RNF167: variants seen among roughly 807,000 people sequenced by gnomAD.
The protein encoded by RNF167 is E3 ubiquitin-protein ligase RNF167.
RNF167 carries 19 observed loss-of-function variants against 34.8 expected under a neutral mutation model. The observed-to-expected ratio is 0.55, with a 90% CI of 0.38 to 0.80. The LOEUF (loss-of-function observed/expected upper bound fraction) is 0.80, where lower values mean the gene tolerates loss of function less well. Among genes scored for constraint, RNF167 ranks in the 30% least tolerant of loss-of-function variants. RNF167 has a pLI of 0.00. For missense variants in RNF167, 464 were observed against 447.0 expected, an observed-to-expected ratio of 1.04 and a Z score of -0.34; for synonymous variants, 200 against 170.4, an observed-to-expected ratio of 1.17 and a Z score of -1.35.
intron 6 of RNF167, 106 bp from the exon 7 acceptor site, chr17:4,943,073 A>C: frequency 7.6e-7 from 1 of 1,307,960 alleles, no homozygotes; most frequent in Non-Finnish European, 1.1e-6. Flanking sequence ...CTTTCTTCCC[A>C]TTCCTGTCCC....
chr17:4,941,112 C>T lies in RNF167; in HGVS notation c.120C>T (p.Asp40=). ...ACAATGCCAGCATGGACTTTGCAGA[C>T]CTTCCAGCTCTGTTTGGGGCTACCT... The part of the protein sequence containing the change: ...SDHNASMDFA[D]LPALFGATLS... The change falls in exon 3 of 10, where the codon GAC becomes GAT. Residue 40 remains aspartate, a synonymous_variant. Coordinates refer to ENST00000262482, the MANE Select transcript of RNF167 (RefSeq NM_015528.3). The T allele has an allele frequency of 6.2e-7, 1 of 1,614,254 alleles. No individual in the cohort carries two copies. The highest frequency in any genetic ancestry group is 8.5e-7 in the Non-Finnish European group (1 of 1,180,040).
chr17:4,940,963 A>T lies in RNF167; in HGVS notation c.54A>T (p.Gly18=). The change falls in exon 2 of 10, where the codon GGA becomes GGT. Residue 18 remains glycine, a synonymous_variant. Coordinates refer to ENST00000262482, the MANE Select transcript of RNF167 (RefSeq NM_015528.3). ...TGGTTGTGGCCGCTGTGCTGTGGGG[A>T]GCGGCCCCGACCCGGGGGCTCATTC... ...LPVVVAAVLW[G]AAPTRGLIRA... 6.2e-7 allele frequency: 1 copy of T among 1,611,392 alleles called. No individual in the cohort carries two copies.
Position 4,940,515 on chromosome 17 carries a change from A to G in RNF167, c.-395A>G, listed in dbSNP as rs976743119. On this transcript the variant is annotated 5_prime_UTR_variant, in exon 2 of 10. Transcript: ENST00000262482. ...CGGAAGTCCTTCATCTCAAGCATCC[A>G]ATGCTGAAAGCGGCCTGATTTTCTC... 2.1e-5 allele frequency: 4 copies of G among 186,656 alleles called. No individual in the cohort carries two copies. In the East Asian group the frequency reaches 5.3e-4, roughly 25 times the overall value. 11.6% of individuals were successfully genotyped at this position (186,656 alleles called of 1,614,324 possible). A position where few individuals can be genotyped will look rare whatever the true frequency, so the allele number is the denominator to read the frequency against.
Position 4,943,021 on chromosome 17 carries a change from C to G in RNF167, c.470+80C>G, listed in dbSNP as rs565343292. On this transcript the variant is annotated intron_variant, in intron 6 of 9. Transcript: ENST00000262482. ...CTGGAGCCCAGGCCTCCTCATTACCCGAACCATTCAGCCTCCTGTCCTTCC... is the reference window on the plus strand; with the variant it reads ...CTGGAGCCCAGGCCTCCTCATTACCGGAACCATTCAGCCTCCTGTCCTTCC... 7.1e-6 allele frequency: 10 copies of G among 1,411,502 alleles called. No homozygotes were observed. In the African/African-American group the frequency reaches 8.5e-5, roughly 12 times the overall value. The allele number at this position is 1,411,502 out of a possible 1,614,324, so 87.4% of individuals were successfully genotyped here. A position where few individuals can be genotyped will look rare whatever the true frequency, so the allele number is the denominator to read the frequency against.
rs369053980 is a variant in RNF167 at position 4,942,588 on chromosome 17, C to T, written c.303C>T (p.Ala101=). Reference sequence around the variant, plus strand: ...CCTTGTCTCCCTAGGTCCTAAATGCCCAGAAGGCTGGATATGGTGCCGCTG... The same window carrying T: ...CCTTGTCTCCCTAGGTCCTAAATGCTCAGAAGGCTGGATATGGTGCCGCTG... ...DCNFDLKVLN[A]QKAGYGAAVV... Residue 101 remains alanine, a synonymous_variant, in exon 5 of 10, where the codon GCC becomes GCT. Transcript: ENST00000262482. 3.1e-6 allele frequency: 5 copies of T among 1,613,976 alleles called. No individual in the cohort carries two copies. The African/African-American group carries it at 4.0e-5, about 13-fold the overall frequency.
intron 3 of RNF167, among the ~76,000 whole-genome samples, chr17:4,941,554 AAGATCAAAGT>A (rs1355386707): frequency 2.6e-5 from 4 of 152,206 alleles, no homozygotes; most frequent in African/African-American, 7.2e-5. Context: ...GGTTATTGTG[AAGATCAAAGT>A]AGATACGCAA....
intron 3 of RNF167, among the ~76,000 whole-genome samples, chr17:4,941,927 AAAAC>A (rs1027955162): frequency 1.3e-5 from 2 of 152,198 alleles, no homozygotes; most frequent in Admixed American, 6.5e-5. Flanking sequence ...AAAAAAAAGA[AAAAC>A]AAAAAGAAAA....
Position 4,943,407 on chromosome 17 carries a change from C to T in RNF167, c.577-19C>T. 4 of 1,610,240 alleles carry T rather than the reference C, an allele frequency of 2.5e-6. No individual in the cohort carries two copies. Among genetic ancestry groups the T allele is most frequent in the Non-Finnish European group, 3.4e-6 (4 of 1,177,622 alleles). On this transcript the variant is annotated intron_variant, in intron 7 of 9. Transcript: ENST00000262482. ...AGTTTTGTTCCTAAGCCTTGTCCAT[C>T]CACCCCCGCTTCCCCCAGATAGCTC...
chr17:4,942,246 G>T, intron 3 of RNF167, 95 bp from the exon 4 acceptor site: 1 of 1,391,730 alleles, frequency 7.2e-7, no homozygotes. Context: ...GAGGATAGAG[G>T]ATGTGCAGCA....
chr17:4,942,515 C>T (rs973812785), intron 4 of RNF167, 49 bp downstream of exon 4: 1 of 1,612,924 alleles, frequency 6.2e-7, no homozygotes, highest in East Asian at 2.2e-5. Flanking sequence ...AAAAAAAAGG[C>T]ACCAGGAATG....
At chr17:4,942,241 T>C in intron 3 of RNF167, 100 bp from the exon 4 acceptor site, 1 of 1,356,586 alleles carries the variant, frequency 7.4e-7, no homozygotes, top group Non-Finnish European at 1.0e-6. Context: ...GAAGTGAGGA[T>C]AGAGGATGTG....
chr17:4,942,759 G>T (rs1043176179), intron 5 of RNF167, 92 bp from the exon 6 acceptor site: 37 of 1,580,146 alleles, frequency 2.3e-5, no homozygotes, highest in Non-Finnish European at 3.1e-5. Flanking sequence ...AATCCTTTAG[G>T]TGGGGTGGGG....
Position 4,940,888 on chromosome 17 carries a change from C to T in RNF167, c.-22C>T. On this transcript the variant is annotated 5_prime_UTR_variant, in exon 2 of 10. Transcript: ENST00000262482. ...TTGCTACCAGGACGCGCGGCCTCCT[C>T]AGCCTCTTTCCTCCCGCTGCCATGC... The T allele has an allele frequency of 6.4e-7, 1 of 1,556,920 alleles. No homozygotes were observed. Among genetic ancestry groups the T allele is most frequent in the South Asian group, 1.2e-5 (1 of 83,256 alleles).
At chr17:4,944,310 C>G in intron 8 of RNF167, 2 of 823,304 alleles carry the variant, frequency 2.4e-6, no homozygotes, top group Non-Finnish European at 1.6e-6. Context: ...CATTTCCGTT[C>G]CTTCCACTCC....
In RNF167 at chr17:4,944,589, G is replaced by A. The variant is rs773948973; in HGVS notation, c.702G>A (p.Leu234=). The change falls in exon 9 of 10, where the codon CTG becomes CTA. Residue 234 remains leucine (L), a synonymous_variant. Coordinates refer to ENST00000262482, the MANE Select transcript of RNF167 (RefSeq NM_015528.3). ...AGTATGATGTCTGTGCCATTTGCCT[G>A]GATGAATATGAGGATGGGGACAAGC... The part of the protein sequence containing the change: ...GDQYDVCAIC[L]DEYEDGDKLR... The A allele has an allele frequency of 2.5e-6, 4 of 1,609,032 alleles. No homozygotes were observed. The East Asian group carries it at 6.7e-5, about 27-fold the overall frequency.
chr17:4,940,923 C>T lies in RNF167; in HGVS notation c.14C>T (p.Ala5Val), dbSNP rs1037488624. The T allele has an allele frequency of 2.5e-6, 4 of 1,607,636 alleles. No homozygotes were observed. The highest frequency in any genetic ancestry group is 1.3e-5 in the African/African-American group (1 of 74,840). The change falls in exon 2 of 10, where the codon GCC (alanine) becomes GTC (valine). Residue 5 changes from alanine to valine, a missense_variant. Ala to Val is a moderately conservative substitution (Grantham distance 64, BLOSUM62 0). Transcript: ENST00000262482. Reference protein sequence around the residue: MHPAAFPLPVVVAAV... With the variant: MHPAVFPLPVVVAAV... ...CCTCCCGCTGCCATGCACCCTGCAGCCTTCCCGCTTCCTGTGGTTGTGGCC... is the reference window on the plus strand; with the variant it reads ...CCTCCCGCTGCCATGCACCCTGCAGTCTTCCCGCTTCCTGTGGTTGTGGCC...
chr17:4,943,160 C>T lies in RNF167; in HGVS notation c.471-19C>T, dbSNP rs1369690672. The T allele has an allele frequency of 1.9e-6, 3 of 1,606,204 alleles. No homozygotes were observed. Among genetic ancestry groups the T allele is most frequent in the Middle Eastern group, 1.7e-4 (1 of 5,974 alleles). ...CTTTGCCTTTCTCGCCCTGCTGAGA[C>T]TGGTCATCCTTTTCCCAGGGCTCGG... On this transcript the variant is annotated intron_variant, in intron 6 of 9. Coordinates refer to ENST00000262482, the MANE Select transcript of RNF167 (RefSeq NM_015528.3).
rs1266517523 is a variant in RNF167, at chr17:4,944,917, C to T, written c.954C>T (p.Pro318=). The T allele has an allele frequency of 1.9e-6, 3 of 1,613,644 alleles. No individual in the cohort carries two copies. The highest frequency in any genetic ancestry group is 2.5e-6 in the Non-Finnish European group (3 of 1,179,812). Residue 318 remains proline (P), a synonymous_variant, in exon 10 of 10, where the codon CCC becomes CCT. Transcript: ENST00000262482. ...TTTTGGGTTCTAGCCCCACTCTTCC[C>T]ACCTCCTTTGGTTCCTTAGCCCCAG... ...TPLLGSSPTL[P]TSFGSLAPAP...
rs769902541 is a variant in RNF167, at chr17:4,941,093, C to T, written c.101C>T (p.Ala34Val). The stretch of plus-strand genomic sequence containing the variant: ...TGTCCGCAGACCTCGGACCACAATG[C>T]CAGCATGGACTTTGCAGACCTTCCA... The part of the protein sequence containing the change: ...GLIRATSDHN[A>V]SMDFADLPAL... Residue 34 changes from alanine to valine, a missense_variant, in exon 3 of 10, where the codon GCC (alanine) becomes GTC (valine). Ala to Val is a moderately conservative substitution (Grantham distance 64). Coordinates refer to ENST00000262482, the MANE Select transcript of RNF167 (RefSeq NM_015528.3). The T allele has an allele frequency of 6.2e-7, 1 of 1,614,220 alleles. No individual in the cohort carries two copies. The highest frequency in any genetic ancestry group is 2.2e-5 in the East Asian group (1 of 44,894).
Sources: allele counts gnomAD v4.1 joint callset (sites outside exome capture counted in the v4.1 genomes callset), GRCh38; gene constraint gnomAD v4.1.1; transcripts MANE v1.5; gene names NCBI Gene and HGNC (gene_info 2026-07-23, HGNC 2026-07-21).